The following TESMIN variants were observed in gnomAD, a reference collection of about 807,000 sequenced individuals.
TESMIN encodes the protein CXC domain containing 2.
Under a neutral mutation model 47.4 loss-of-function variants are expected in TESMIN, and 34 were observed. The observed-to-expected ratio is 0.72, with a 90% CI of 0.55 to 0.96. The LOEUF is 0.96. Ranked by LOEUF, TESMIN falls within the 40% of genes least tolerant of loss-of-function variation. The pLI is 0.00. For missense variants in TESMIN, 610 were observed against 637.2 expected (o/e 0.96, Z 0.46); for synonymous variants, 278 against 258.9 (o/e 1.07, Z -0.71).
intron 6 of TESMIN, chr11:68,736,055 C>A (rs1339515168): frequency 1.0e-6 from 1 of 982,342 alleles, no homozygotes; most frequent in Non-Finnish European, 1.2e-6. Flanking sequence ...GACAACTCTG[C>A]CTCAGAAAAG....
At chr11:68,744,007 C>T (rs1946489953) in intron 4 of TESMIN, among the ~76,000 whole-genome samples, 1 of 152,184 alleles carries the variant, frequency 6.6e-6, no homozygotes, top group African/African-American at 2.4e-5. Flanking sequence ...CTTCTCCCTG[C>T]CTGTAGAGAT....
chr11:68,747,125 T>G, intron 3 of TESMIN, 83 bp downstream of exon 3: 1 of 1,462,904 alleles, frequency 6.8e-7, no homozygotes, highest in Non-Finnish European at 9.5e-7. Flanking sequence ...GAAAAACGAG[T>G]GAAATGATCA....
Position 68,750,295 on chromosome 11 carries a change from C to T in TESMIN, c.366G>A (p.Val122=), listed in dbSNP as rs781498077. 2 of 1,547,900 alleles carry T rather than the reference C, an allele frequency of 1.3e-6. No homozygotes were observed. Among genetic ancestry groups the T allele is most frequent in the Non-Finnish European group, 1.7e-6 (2 of 1,153,178 alleles). The change falls in exon 2 of 10, where the codon GTG becomes GTA. Residue 122 remains valine (V), a synonymous_variant. Transcript: ENST00000255087. ...CGGGTAGCAGCGAGGACAGGAAGTG[C>T]ACGTTGCAGGCGGGCGGCTGCGGGG... ...LQAPQPPACN[V]HFLSSLLPAH...
At chr11:68,740,440 G>A (rs939227599) in intron 5 of TESMIN, among the ~76,000 whole-genome samples, 2 of 152,176 alleles carry the variant, frequency 1.3e-5, no homozygotes, top group African/African-American at 2.4e-5. Context: ...GGAAGGTGGG[G>A]AGACAGCAAG....
chr11:68,749,108 G>T (rs571101050), intron 2 of TESMIN, among the ~76,000 whole-genome samples: 1 of 152,228 alleles, frequency 6.6e-6, no homozygotes, highest in Non-Finnish European at 1.5e-5. Flanking sequence ...CACCAATCCG[G>T]CTGGGCAGCA....
chr11:68,713,976 G>C (rs2153990799), intron 7 of TESMIN, among the ~76,000 whole-genome samples: 1 of 152,238 alleles, frequency 6.6e-6, no homozygotes, highest in African/African-American at 2.4e-5. Flanking sequence ...TGACTTCAAA[G>C]CAGGTCTCAA....
Position 68,750,650 on chromosome 11 carries a change from C to T in TESMIN, c.11G>A (p.Gly4Asp). The T allele has an allele frequency of 6.4e-7, 1 of 1,552,384 alleles. No homozygotes were observed. Among genetic ancestry groups the T allele is most frequent in the Non-Finnish European group, 8.7e-7 (1 of 1,148,108 alleles). The change falls in exon 2 of 10, where the codon GGC becomes GAC. Residue 4 changes from glycine to aspartate, a missense_variant. Physicochemically the swap from Gly to Asp is moderately conservative, Grantham distance 94. Coordinates refer to ENST00000255087, the MANE Select transcript of TESMIN (RefSeq NM_004923.3). MEE[G>D]PLPGGLPSPE... ...GCTGGGCAGCCCGCCCGGCAGAGGG[C>T]CCTCCTCCATGGCGCAGGGCGGCGG...
chr11:68,729,391 G>C (rs1240443086), intron 6 of TESMIN, among the ~76,000 whole-genome samples: 2 of 152,112 alleles, frequency 1.3e-5, no homozygotes, highest in African/African-American at 4.8e-5. Context: ...TGGGCGTGGT[G>C]GTGGGCGCCT....
chr11:68,745,309 A>G (rs576235871), intron 3 of TESMIN, among the ~76,000 whole-genome samples, 198 bp from the exon 4 acceptor site: 3 of 151,698 alleles, frequency 2.0e-5, no homozygotes, highest in South Asian at 4.2e-4. Context: ...GCAAAAAAAA[A>G]AAAAAAAAAA....
chr11:68,728,326 C>T (rs556614645), intron 6 of TESMIN, among the ~76,000 whole-genome samples: 30 of 152,282 alleles, frequency 2.0e-4, no homozygotes, highest in African/African-American at 7.0e-4. Context: ...TGAAACCGGA[C>T]AAAGCCTAAT....
chr11:68,746,786 G>A (rs1160110117), intron 3 of TESMIN, among the ~76,000 whole-genome samples: 3 of 152,190 alleles, frequency 2.0e-5, no homozygotes, highest in Non-Finnish European at 4.4e-5. Context: ...AACCACAGCT[G>A]TGACTGATTA....
chr11:68,737,935 A>G (rs1946407385), intron 6 of TESMIN: 16 of 984,668 alleles, frequency 1.6e-5, no homozygotes, highest in Non-Finnish European at 1.8e-5. Flanking sequence ...CAAACAAACA[A>G]ACAAAAAACA....
chr11:68,731,431 A>G (rs1946325536), intron 6 of TESMIN, among the ~76,000 whole-genome samples: 1 of 79,740 alleles, frequency 1.3e-5, no homozygotes, highest in Non-Finnish European at 2.3e-5. Flanking sequence ...CTGTCTGAAA[A>G]AAGAGTTATA....
chr11:68,745,300 C>CAAAAAA (rs71993839), intron 3 of TESMIN, among the ~76,000 whole-genome samples, 189 bp from the exon 4 acceptor site: 1 of 72,484 alleles, frequency 1.4e-5, no homozygotes, highest in Admixed American at 1.5e-4. Flanking sequence ...CACCAAAGGG[C>CAAAAAA]AAAAAAAAAA....
intron 8 of TESMIN, among the ~76,000 whole-genome samples, chr11:68,711,803 A>G (rs1594284168): frequency 2.0e-5 from 3 of 152,162 alleles, no homozygotes; most frequent in South Asian, 2.1e-4. Context: ...TTGTGGGTGG[A>G]TTTTGTTTCA....
intron 6 of TESMIN, among the ~76,000 whole-genome samples, chr11:68,717,425 A>G (rs1946153216): frequency 6.6e-6 from 1 of 152,164 alleles, no homozygotes; most frequent in East Asian, 1.9e-4. Context: ...CAAGGAGTGA[A>G]TTATTAGAGA....
downstream of TESMIN, among the ~76,000 whole-genome samples, chr11:68,705,063 C>T (rs1945985616): frequency 6.6e-6 from 1 of 152,232 alleles, no homozygotes; most frequent in Non-Finnish European, 1.5e-5. Context: ...GTGATCCCTC[C>T]TGTCGTGCTT....
rs776097075 is a variant in TESMIN, at chr11:68,750,592, G to A, written c.69C>T (p.Ser23=). 13 of 1,604,392 alleles carry A rather than the reference G, an allele frequency of 8.1e-6. No homozygotes were observed. The highest frequency in any genetic ancestry group is 5.1e-5 in the Admixed American group (3 of 59,348). Residue 23 remains serine (S), a synonymous_variant, in exon 2 of 10, where the codon AGC becomes AGT. Coordinates refer to ENST00000255087, the MANE Select transcript of TESMIN (RefSeq NM_004923.3). ...PEDAMVTELL[S]PEGPFASENI... ...TCTCCGAAGCGAACGGACCCTCGGG[G>A]CTTAAGAGCTCCGTCACCATCGCAT...
chr11:68,737,055 GC>G (rs1191107530), intron 6 of TESMIN: 2 of 985,208 alleles, frequency 2.0e-6, no homozygotes, highest in Non-Finnish European at 2.4e-6. Context: ...TTGACCAGAT[GC>G]CCCCAGATTA....
Sources: gnomAD v4.1 joint callset for allele counts (sites outside exome capture counted in the v4.1 genomes callset) on GRCh38, gnomAD v4.1.1 for gene constraint, MANE v1.5 for transcripts, NCBI Gene and HGNC (gene_info 2026-07-23, HGNC 2026-07-21) for gene names.